The following CTNND2 variants were observed in gnomAD, a reference collection of about 807,000 sequenced individuals.
CTNND2 encodes the protein catenin delta 2, also known as catenin delta-2.
A neutral mutation model predicts 144.4 loss-of-function variants in CTNND2; 22 were observed. The ratio of observed to expected loss-of-function variants is 0.15; its 90% CI spans 0.11 to 0.22. The LOEUF (loss-of-function observed/expected upper bound fraction) is 0.22. Among genes scored for constraint, CTNND2 ranks in the 10% least tolerant of loss-of-function variants. The pLI is 1.00. For synonymous variants in CTNND2, 751 were observed against 695.6 expected, an observed-to-expected ratio of 1.08 and a Z score of -1.25; for missense variants, 1,353 against 1,618.8, an observed-to-expected ratio of 0.84 and a Z score of 2.82.
chr5:11,563,384 G>A (rs1776825090), intron 3 of CTNND2, among the ~76,000 whole-genome samples: 1 of 152,126 alleles, frequency 6.6e-6, no homozygotes, highest in African/African-American at 2.4e-5. Context: ...AGCTTTAATA[G>A]GAAGCTCTTC....
chr5:11,086,219 G>A (rs1242703227), intron 15 of CTNND2, among the ~76,000 whole-genome samples: 1 of 152,138 alleles, frequency 6.6e-6, no homozygotes, highest in Non-Finnish European at 1.5e-5. Context: ...GGATTTCAGG[G>A]GAGCTCAAAA....
intron 2 of CTNND2, among the ~76,000 whole-genome samples, chr5:11,705,301 C>G (rs567284901): frequency 3.9e-5 from 6 of 152,168 alleles, no homozygotes; most frequent in Admixed American, 2.6e-4. Context: ...AGCCAGAATT[C>G]TTCCCCCACC....
intron 16 of CTNND2, among the ~76,000 whole-genome samples, chr5:11,057,739 A>C (rs753407927): frequency 2.0e-5 from 3 of 152,200 alleles, no homozygotes; most frequent in Admixed American, 6.5e-5. Flanking sequence ...GCTCAGAATA[A>C]GATAGAAAAA....
At chr5:11,284,992 T>C (rs1221391743) in intron 9 of CTNND2, among the ~76,000 whole-genome samples, 1 of 152,228 alleles carries the variant, frequency 6.6e-6, no homozygotes, top group Non-Finnish European at 1.5e-5. Flanking sequence ...CAGGTTCCTA[T>C]AAGCCTTCTT....
chr5:11,292,759 T>A (rs1449713501), intron 9 of CTNND2, among the ~76,000 whole-genome samples: 1 of 152,142 alleles, frequency 6.6e-6, no homozygotes, highest in African/African-American at 2.4e-5. Flanking sequence ...GAGAACAGAC[T>A]AATACACACA....
intron 1 of CTNND2, among the ~76,000 whole-genome samples, chr5:11,821,932 A>G (rs1793334095): frequency 6.6e-6 from 1 of 152,126 alleles, no homozygotes; most frequent in East Asian, 1.9e-4. Flanking sequence ...AAATAAGTAA[A>G]CTACACATTC....
chr5:11,808,644 A>C (rs142582335), intron 1 of CTNND2, among the ~76,000 whole-genome samples: 1 of 152,140 alleles, frequency 6.6e-6, no homozygotes, highest in East Asian at 1.9e-4. Context: ...ATTCTCCTGC[A>C]TCTGCTTTCT....
At chr5:11,432,834 G>A (rs1763419133) in intron 3 of CTNND2, among the ~76,000 whole-genome samples, 1 of 152,204 alleles carries the variant, frequency 6.6e-6, no homozygotes, top group South Asian at 2.1e-4. Context: ...GCTGAAATCT[G>A]TGATTTAATG....
chr5:10,995,976 G>T (rs1406357514), intron 18 of CTNND2, among the ~76,000 whole-genome samples: 1 of 152,160 alleles, frequency 6.6e-6, no homozygotes, highest in Admixed American at 6.5e-5. Flanking sequence ...AGAGAAGAGA[G>T]AAAGGGAAGG....
intron 3 of CTNND2, among the ~76,000 whole-genome samples, chr5:11,538,176 T>G (rs1774397361): frequency 6.6e-6 from 1 of 152,218 alleles, no homozygotes; most frequent in African/African-American, 2.4e-5. Context: ...GAGAATAGCC[T>G]CGAAGTCTAC....
At chr5:11,623,295 G>A (rs544772384) in intron 2 of CTNND2, among the ~76,000 whole-genome samples, 35 of 152,136 alleles carry the variant, frequency 2.3e-4, no homozygotes, top group Admixed American at 5.9e-4. Context: ...TACTTGTTAC[G>A]AGAGGGACTT....
chr5:11,650,501 T>C (rs1782593193), intron 2 of CTNND2, among the ~76,000 whole-genome samples: 1 of 152,204 alleles, frequency 6.6e-6, no homozygotes, highest in Non-Finnish European at 1.5e-5. Flanking sequence ...AACTGGATAA[T>C]GGGCAGAGGT....
chr5:11,181,376 T>C (rs934366311), intron 11 of CTNND2, among the ~76,000 whole-genome samples: 2 of 152,108 alleles, frequency 1.3e-5, no homozygotes, highest in Non-Finnish European at 2.9e-5. Context: ...TCCTGGGGGC[T>C]CAGGGTAGAC....
At chr5:11,371,417 T>C (rs1757470895) in intron 7 of CTNND2, among the ~76,000 whole-genome samples, 1 of 152,228 alleles carries the variant, frequency 6.6e-6, no homozygotes, top group Non-Finnish European at 1.5e-5. Context: ...ATCTGAAGAA[T>C]ACCTCATCAT....
At chr5:11,436,461 A>G (rs1292061871) in intron 3 of CTNND2, among the ~76,000 whole-genome samples, 2 of 152,178 alleles carry the variant, frequency 1.3e-5, no homozygotes, top group Non-Finnish European at 2.9e-5. Context: ...GATTTTATAG[A>G]TTGTTCTTAG....
intron 6 of CTNND2, among the ~76,000 whole-genome samples, chr5:11,390,418 C>G (rs1019577883): frequency 6.6e-6 from 1 of 152,110 alleles, no homozygotes; most frequent in African/African-American, 2.4e-5. Flanking sequence ...TTATTCAATC[C>G]TCATTCTTTG....
At chr5:11,895,366 G>C (rs1737310609) in intron 1 of CTNND2, among the ~76,000 whole-genome samples, 1 of 152,204 alleles carries the variant, frequency 6.6e-6, no homozygotes, top group Non-Finnish European at 1.5e-5. Flanking sequence ...ACTCTGCTAT[G>C]TATTTTAAGT....
chr5:11,551,146 C>T (rs917252814), intron 3 of CTNND2, among the ~76,000 whole-genome samples: 9 of 152,162 alleles, frequency 5.9e-5, no homozygotes, highest in African/African-American at 1.9e-4. Flanking sequence ...ATGTGCAGTA[C>T]GTGGCCTCTC....
chr5:11,378,056 G>A (rs1028681633), intron 7 of CTNND2, among the ~76,000 whole-genome samples: 1 of 152,144 alleles, frequency 6.6e-6, no homozygotes, highest in African/African-American at 2.4e-5. Context: ...CCAGAGAGAT[G>A]AGCTTGCACG....
Sources: gnomAD v4.1 joint callset for allele counts (sites outside exome capture counted in the v4.1 genomes callset) on GRCh38, gnomAD v4.1.1 for gene constraint, MANE v1.5 for transcripts, NCBI Gene and HGNC (gene_info 2026-07-23, HGNC 2026-07-21) for gene names.